Variants in PKHD1L1 observed in about 807,000 individuals in gnomAD.
The protein encoded by PKHD1L1 is fibrocystin-L.
Under a neutral mutation model 462.9 loss-of-function variants are expected in PKHD1L1, and 434 were observed. The ratio of observed to expected loss-of-function variants is 0.94; its 90% CI spans 0.87 to 1.02. The LOEUF is 1.02. Among genes scored for constraint, PKHD1L1 ranks in the 50% least tolerant of loss-of-function variants. The pLI, the probability that PKHD1L1 is intolerant of heterozygous loss-of-function variation, is 0.00. For missense variants in PKHD1L1, 5,202 were observed against 5,096.1 expected, an observed-to-expected ratio of 1.02 and a Z score of -0.63; for synonymous variants, 1,781 against 1,750.0, an observed-to-expected ratio of 1.02 and a Z score of -0.44.
chr8:109,471,063 CT>C, intron 50 of PKHD1L1: 1 of 1,581,186 alleles, frequency 6.3e-7, no homozygotes, highest in East Asian at 2.2e-5. Flanking sequence ...GCGATGAAAT[CT>C]TCTCCTCAAA....
At chr8:109,495,799 T>C (rs1380261340) in intron 63 of PKHD1L1, among the ~76,000 whole-genome samples, 1 of 152,152 alleles carries the variant, frequency 6.6e-6, no homozygotes, top group African/African-American at 2.4e-5. Context: ...GGAGAGCTGG[T>C]ATTAAGTACA....
chr8:109,447,021 C>T lies in PKHD1L1; in HGVS notation c.5777-1122C>T, dbSNP rs186883932. Reference sequence around the variant, plus strand: ...GGCGGATTGCCTGAGCTCAGGAGTTCGAGATCAGCCTGGGCAACATGGTGA... The same window carrying T: ...GGCGGATTGCCTGAGCTCAGGAGTTTGAGATCAGCCTGGGCAACATGGTGA... On this transcript the variant is annotated intron_variant, in intron 38 of 77. Transcript: ENST00000378402. Among the ~76,000 whole-genome samples the T allele has an allele frequency of 6.6e-3, 1,003 of 152,114 alleles. 8 individuals carry two copies. Among genetic ancestry groups the T allele is most frequent in the African/African-American group, 0.023 (946 of 41,490 alleles).
intron 27 of PKHD1L1, among the ~76,000 whole-genome samples, chr8:109,432,524 C>T (rs1048191446): frequency 6.6e-6 from 1 of 152,080 alleles, no homozygotes; most frequent in Admixed American, 6.6e-5. Flanking sequence ...ATCTATCTAT[C>T]TATCCATCTA....
At chr8:109,410,433 A>AG (rs1813777895) in intron 19 of PKHD1L1, among the ~76,000 whole-genome samples, 1 of 152,104 alleles carries the variant, frequency 6.6e-6, no homozygotes, top group Non-Finnish European at 1.5e-5. Context: ...GTGAAGGCAA[A>AG]GGGGGAACAG....
intron 58 of PKHD1L1, among the ~76,000 whole-genome samples, chr8:109,485,792 T>G (rs1309390495): frequency 6.6e-6 from 1 of 151,930 alleles, no homozygotes; most frequent in Middle Eastern, 3.2e-3. Flanking sequence ...CATGATAGAC[T>G]AGCAGACATT....
intron 63 of PKHD1L1, among the ~76,000 whole-genome samples, chr8:109,494,168 C>T (rs959711204): frequency 2.0e-5 from 3 of 151,938 alleles, no homozygotes; most frequent in Admixed American, 2.0e-4. Context: ...AGTCAACAAA[C>T]ATGAACAGAC....
chr8:109,531,708 T>G lies in PKHD1L1; in HGVS notation c.*1618T>G, dbSNP rs1821045857. On this transcript the variant is annotated 3_prime_UTR_variant, in exon 78 of 78. Coordinates refer to ENST00000378402, the MANE Select transcript of PKHD1L1 (RefSeq NM_177531.6). ...AGGTAAGAGGTCCCTGACAAGGTAG[T>G]CTTCAAAGTATACATGAAAGCCCCT... Among the ~76,000 whole-genome samples, 1 of 152,136 alleles carries G rather than the reference T, an allele frequency of 6.6e-6. No homozygotes were observed. The highest frequency in any genetic ancestry group is 2.1e-4 in the South Asian group (1 of 4,822).
At chr8:109,431,189 T>G (rs1815080472) in intron 27 of PKHD1L1, among the ~76,000 whole-genome samples, 1 of 152,044 alleles carries the variant, frequency 6.6e-6, no homozygotes, top group Admixed American at 6.6e-5. Flanking sequence ...GATGGTTGAA[T>G]TCCCACTTTT....
chr8:109,372,390 T>G (rs1811559204), intron 2 of PKHD1L1, among the ~76,000 whole-genome samples: 1 of 152,226 alleles, frequency 6.6e-6, no homozygotes, highest in Non-Finnish European at 1.5e-5. Flanking sequence ...CTTATCAGCT[T>G]AAGGAGATTT....
Position 109,464,532 on chromosome 8 carries a change from C to T in PKHD1L1, c.7700C>T (p.Pro2567Leu), listed in dbSNP as rs772805564. 12 of 1,613,586 alleles carry T rather than the reference C, an allele frequency of 7.4e-6. No individual in the cohort carries two copies. The highest frequency in any genetic ancestry group is 1.6e-4 in the Middle Eastern group (1 of 6,082). The change falls in exon 49 of 78, where the codon CCG (proline) becomes CTG (leucine). Residue 2567 changes from proline to leucine, a missense_variant. Transcript: ENST00000378402. The part of the protein sequence containing the change: ...VTPAAFWVTN[P>L]NNTIRHNAVA... ...CCGGCTGCATTTTGGGTCACCAACC[C>T]GAACAATACCATACGACACAATGCT...
chr8:109,507,938 A>G (rs770503221), intron 69 of PKHD1L1, 43 bp downstream of exon 69: 1 of 1,581,186 alleles, frequency 6.3e-7, no homozygotes, highest in South Asian at 1.1e-5. Context: ...CCTTAAACTC[A>G]TGAAACAAAA....
In PKHD1L1 at chr8:109,425,233, G is replaced by A; in HGVS notation, c.2845+1G>A. The A allele has an allele frequency of 6.4e-7, 1 of 1,568,696 alleles. No individual in the cohort carries two copies. Among genetic ancestry groups the A allele is most frequent in the Middle Eastern group, 1.7e-4 (1 of 5,864 alleles). ...CAAGCTTATGGACATATTCTTAAAG[G>A]TATATGAAAAAAATTTAAAATATTG... On this transcript the variant is annotated splice_donor_variant, in intron 24 of 77. Transcript: ENST00000378402. LOFTEE classifies it high-confidence loss of function.
intron 2 of PKHD1L1, 60 bp downstream of exon 2, chr8:109,364,696 A>G: frequency 9.6e-7 from 1 of 1,045,536 alleles, no homozygotes; most frequent in East Asian, 2.6e-5. Context: ...AGCCTATTTC[A>G]TATTTAGAGC....
intron 38 of PKHD1L1, among the ~76,000 whole-genome samples, chr8:109,447,203 A>G (rs1219883356): frequency 6.6e-6 from 1 of 152,234 alleles, no homozygotes; most frequent in Non-Finnish European, 1.5e-5. Context: ...AGCCTGGGCG[A>G]CAGAGCGAGA....
chr8:109,445,468 G>A lies in PKHD1L1; in HGVS notation c.5599G>A (p.Asp1867Asn). The A allele has an allele frequency of 6.2e-7, 1 of 1,613,894 alleles. No individual in the cohort carries two copies. The highest frequency in any genetic ancestry group is 8.5e-7 in the Non-Finnish European group (1 of 1,179,866). Residue 1867 changes from aspartate (D) to asparagine (N), a missense_variant, in exon 38 of 78, where the codon GAT becomes AAT. Around this residue, in one of 3 missense-constraint regions of PKHD1L1, gnomAD observed 4,497 missense variants for 4,336.8 expected, o/e 1.04. Transcript: ENST00000378402. ...AGGCAACACTACAGTCACTATTGGG[G>A]ATGAACCTTGTCAAATTATTTCCAT... ...YPGNTTVTIG[D>N]EPCQIISINP...
At position 109,480,087 on chromosome 8, in the gene PKHD1L1, C is replaced by T. The variant is rs1228563642; in HGVS notation, c.9275C>T (p.Ala3092Val). The change falls in exon 55 of 78, where the codon GCA (alanine) becomes GTA (valine). Residue 3092 changes from alanine (A) to valine (V), a missense_variant. Ala to Val is a moderately conservative substitution (Grantham distance 64). Coordinates refer to ENST00000378402, the MANE Select transcript of PKHD1L1 (RefSeq NM_177531.6). ...GAAGATAAATACAATGTAGGAGCTGCAGAATCTTCTTACAGAGAAGTTGTT... is the reference window on the plus strand; with the variant it reads ...GAAGATAAATACAATGTAGGAGCTGTAGAATCTTCTTACAGAGAAGTTGTT... ...ELEDKYNVGA[A>V]ESSYREVVLN... The T allele has an allele frequency of 6.3e-7, 1 of 1,581,326 alleles. No homozygotes were observed. The highest frequency in any genetic ancestry group is 8.6e-7 in the Non-Finnish European group (1 of 1,163,128).
chr8:109,486,144 A>G (rs1440339979), intron 58 of PKHD1L1, among the ~76,000 whole-genome samples: 3 of 151,980 alleles, frequency 2.0e-5, no homozygotes, highest in African/African-American at 7.2e-5. Context: ...GCTACTACCT[A>G]TTGATGAAGA....
At chr8:109,506,115 G>T (rs1819675723) in intron 68 of PKHD1L1, among the ~76,000 whole-genome samples, 1 of 152,060 alleles carries the variant, frequency 6.6e-6, no homozygotes, top group Non-Finnish European at 1.5e-5. Context: ...TATAATTTTA[G>T]TTTCTAAGTC....
chr8:109,456,145 A>G (rs1816810409), intron 45 of PKHD1L1, 117 bp from the exon 46 acceptor site: 1 of 1,034,046 alleles, frequency 9.7e-7, no homozygotes, highest in Non-Finnish European at 1.4e-6. Context: ...TGAAATGCTA[A>G]GGTAAAATGA....
Sources: gnomAD v4.1 joint callset for allele counts (sites outside exome capture counted in the v4.1 genomes callset) on GRCh38, gnomAD v4.1.1 for gene constraint, gnomAD v4.1.1 regional missense constraint, MANE v1.5 for transcripts, NCBI Gene and HGNC (gene_info 2026-07-23, HGNC 2026-07-21) for gene names.